NAALADL2: variants seen among roughly 807,000 people sequenced by gnomAD.
The protein encoded by NAALADL2 is N-acetylated alpha-linked acidic dipeptidase like 2, also known as inactive N-acetylated-alpha-linked acidic dipeptidase-like protein 2.
NAALADL2 carries 76 observed loss-of-function variants against 87.2 expected under a neutral mutation model. The observed-to-expected ratio is 0.87, with a 90% CI of 0.72 to 1.05. The LOEUF (loss-of-function observed/expected upper bound fraction) is 1.05, where lower values mean the gene tolerates loss of function less well. Ranked by LOEUF, NAALADL2 falls within the 50% of genes least tolerant of loss-of-function variation. NAALADL2 has a pLI of 0.00. For synonymous variants in NAALADL2, 354 were observed against 331.0 expected (o/e 1.07, Z -0.75); for missense variants, 1,089 against 945.8 (o/e 1.15, Z -1.99).
chr3:175,189,755 C>T (rs1289757735), intron 2 of NAALADL2, among the ~76,000 whole-genome samples: 1 of 151,972 alleles, frequency 6.6e-6, no homozygotes, highest in East Asian at 1.9e-4. Context: ...TGTTGAATAG[C>T]CAAAGTAATT....
At chr3:174,536,242 T>C (rs1485700326) in intron 1 of NAALADL2, among the ~76,000 whole-genome samples, 1 of 152,118 alleles carries the variant, frequency 6.6e-6, no homozygotes, top group Non-Finnish European at 1.5e-5. Flanking sequence ...AGATACTTGA[T>C]TTAGAATGTT....
intron 3 of NAALADL2, among the ~76,000 whole-genome samples, chr3:174,759,836 G>T (rs1176705018): frequency 2.0e-5 from 3 of 151,996 alleles, no homozygotes. Context: ...GAGTAGCTGG[G>T]ATTACAGGCA....
At chr3:174,784,772 T>C (rs1434530575) in intron 3 of NAALADL2, among the ~76,000 whole-genome samples, 1 of 152,234 alleles carries the variant, frequency 6.6e-6, no homozygotes, top group Non-Finnish European at 1.5e-5. Context: ...TGGTGAATAA[T>C]CCTTTAACTC....
intron 9 of NAALADL2, among the ~76,000 whole-genome samples, chr3:175,494,297 C>G (rs1235714740): frequency 6.6e-6 from 1 of 151,994 alleles, no homozygotes; most frequent in Non-Finnish European, 1.5e-5. Context: ...TTTAATTTTT[C>G]TGTTACAATA....
At chr3:175,189,118 C>T (rs967296170) in intron 2 of NAALADL2, among the ~76,000 whole-genome samples, 5 of 152,122 alleles carry the variant, frequency 3.3e-5, no homozygotes, top group Admixed American at 3.3e-4. Flanking sequence ...AAAAATCCCA[C>T]AGCTAACATC....
chr3:175,462,190 A>T (rs527973759), intron 6 of NAALADL2, among the ~76,000 whole-genome samples: 1 of 152,192 alleles, frequency 6.6e-6, no homozygotes, highest in Non-Finnish European at 1.5e-5. Context: ...GACAGAGGGT[A>T]TTGGGGAACT....
intron 2 of NAALADL2, among the ~76,000 whole-genome samples, chr3:174,595,148 T>C (rs1030157588): frequency 3.3e-5 from 5 of 152,110 alleles, no homozygotes; most frequent in African/African-American, 1.2e-4. Flanking sequence ...AATGCACAGT[T>C]GAGAAGAGAT....
chr3:174,932,665 C>CA (rs997255135), intron 1 of NAALADL2, among the ~76,000 whole-genome samples: 1 of 151,786 alleles, frequency 6.6e-6, no homozygotes, highest in African/African-American at 2.4e-5. Context: ...GGTCTGTCAG[C>CA]AAAAAAATAC....
intron 9 of NAALADL2, 123 bp from the exon 10 acceptor site, chr3:175,575,918 T>G (rs1001068643): frequency 1.3e-6 from 1 of 781,368 alleles, no homozygotes; most frequent in Non-Finnish European, 2.0e-6. Flanking sequence ...AGCATTTGCA[T>G]TTTTAACAGT....
intron 1 of NAALADL2, among the ~76,000 whole-genome samples, chr3:175,062,082 T>C (rs1295185629): frequency 6.8e-6 from 1 of 146,080 alleles, no homozygotes; most frequent in East Asian, 2.0e-4. Context: ...ATTTAATTAC[T>C]GTCAGAACAG....
At chr3:174,775,667 C>T (rs928023464) in intron 3 of NAALADL2, among the ~76,000 whole-genome samples, 2 of 151,850 alleles carry the variant, frequency 1.3e-5, no homozygotes, top group South Asian at 2.1e-4. Context: ...GCAGATCTCC[C>T]CACAGGGTCC....
intron 5 of NAALADL2, among the ~76,000 whole-genome samples, chr3:175,409,997 A>G (rs1034630706): frequency 6.6e-6 from 1 of 152,238 alleles, no homozygotes; most frequent in Non-Finnish European, 1.5e-5. Flanking sequence ...AAGTAGAAAG[A>G]CAAGTGACTA....
intron 11 of NAALADL2, among the ~76,000 whole-genome samples, chr3:175,646,421 A>T (rs1421811073): frequency 6.6e-6 from 1 of 152,108 alleles, no homozygotes; most frequent in Non-Finnish European, 1.5e-5. Flanking sequence ...CATATCACTT[A>T]TGTGGATGGT....
chr3:175,378,181 C>T (rs777434255), intron 5 of NAALADL2, among the ~76,000 whole-genome samples: 28 of 152,286 alleles, frequency 1.8e-4, no homozygotes, highest in Middle Eastern at 6.8e-3. Context: ...TTGCTCTTGC[C>T]GACACCCAAA....
intron 13 of NAALADL2, among the ~76,000 whole-genome samples, chr3:175,774,253 T>A (rs745786491): frequency 6.6e-6 from 1 of 152,076 alleles, no homozygotes; most frequent in Non-Finnish European, 1.5e-5. Flanking sequence ...ATGCTTTCCT[T>A]GATACTAAAA....
chr3:174,444,277 C>T (rs1327757039), intron 1 of NAALADL2, among the ~76,000 whole-genome samples: 1 of 152,062 alleles, frequency 6.6e-6, no homozygotes, highest in Non-Finnish European at 1.5e-5. Context: ...AGTGTGGGGG[C>T]ACAGATGGAG....
chr3:175,538,529 C>T (rs569857908), intron 9 of NAALADL2, among the ~76,000 whole-genome samples: 1 of 152,140 alleles, frequency 6.6e-6, no homozygotes, highest in Admixed American at 6.5e-5. Context: ...AAACTTTCTT[C>T]CCAAACAAAC....
chr3:175,352,800 A>T (rs546409007), intron 5 of NAALADL2, among the ~76,000 whole-genome samples: 4 of 152,134 alleles, frequency 2.6e-5, no homozygotes, highest in Non-Finnish European at 5.9e-5. Flanking sequence ...GTGCTGAATT[A>T]CATTTATGGG....
chr3:175,336,146 G>A (rs1050107038), intron 5 of NAALADL2, among the ~76,000 whole-genome samples: 22 of 151,606 alleles, frequency 1.5e-4, no homozygotes, highest in South Asian at 2.1e-4. Flanking sequence ...TCCACCTTCC[G>A]TTCTCTTTAA....
Sources: gnomAD v4.1 joint callset for allele counts (sites outside exome capture counted in the v4.1 genomes callset) on GRCh38, gnomAD v4.1.1 for gene constraint, MANE v1.5 for transcripts, NCBI Gene and HGNC (gene_info 2026-07-23, HGNC 2026-07-21) for gene names.